Variants in KIAA1549L observed in about 807,000 individuals in gnomAD.
KIAA1549L encodes UPF0606 protein KIAA1549L.
KIAA1549L carries 88 observed loss-of-function variants against 160.7 expected under a neutral mutation model. That is an observed-to-expected ratio of 0.55 (90% CI 0.46 to 0.65). The LOEUF (loss-of-function observed/expected upper bound fraction) is 0.65, where lower values mean the gene tolerates loss of function less well. Ranked by LOEUF, KIAA1549L falls within the 30% of genes least tolerant of loss-of-function variation. The probability of loss-of-function intolerance (pLI) is 0.00; values close to 1 mark genes in which losing one functional copy is unlikely to be tolerated. For synonymous variants in KIAA1549L, 950 were observed against 976.7 expected (o/e 0.97, Z 0.51); for missense variants, 2,258 against 2,437.5 (o/e 0.93, Z 1.55).
chr11:33,437,292 G>A (rs553426403), intron 1 of KIAA1549L, among the ~76,000 whole-genome samples: 2 of 151,936 alleles, frequency 1.3e-5, no homozygotes, highest in Non-Finnish European at 2.9e-5. Flanking sequence ...GTTGTGAATG[G>A]AAAAAAGGGC....
intron 1 of KIAA1549L, among the ~76,000 whole-genome samples, chr11:33,492,773 C>T (rs1278279970): frequency 6.6e-6 from 1 of 152,182 alleles, no homozygotes; most frequent in African/African-American, 2.4e-5. Flanking sequence ...AGCTATCCCA[C>T]ACATTCTATT....
intron 1 of KIAA1549L, among the ~76,000 whole-genome samples, chr11:33,397,791 A>G (rs1264681074): frequency 6.6e-6 from 1 of 152,038 alleles, no homozygotes; most frequent in Admixed American, 6.5e-5. Flanking sequence ...TAAAAAATTT[A>G]TTACAAGGTA....
chr11:33,436,372 A>T (rs1350573483), intron 1 of KIAA1549L, among the ~76,000 whole-genome samples: 1 of 152,212 alleles, frequency 6.6e-6, no homozygotes, highest in Admixed American at 6.5e-5. Flanking sequence ...CCCAACTCTG[A>T]AGGCAAGAGA....
chr11:33,383,875 A>C (rs907984377), intron 1 of KIAA1549L, among the ~76,000 whole-genome samples: 3 of 152,220 alleles, frequency 2.0e-5, no homozygotes, highest in African/African-American at 7.2e-5. Flanking sequence ...TTTGTTTTCA[A>C]ATATCACCAA....
chr11:33,386,328 C>T (rs1298821625), intron 1 of KIAA1549L, among the ~76,000 whole-genome samples: 3 of 152,146 alleles, frequency 2.0e-5, no homozygotes, highest in Non-Finnish European at 4.4e-5. Flanking sequence ...TTCTCTTTGT[C>T]TATTGAGATG....
At chr11:33,655,981 A>G (rs779922072) in intron 17 of KIAA1549L, 31 bp from the exon 18 acceptor site, 50 of 1,518,912 alleles carry the variant, frequency 3.3e-5, no homozygotes, top group Non-Finnish European at 4.5e-5. Context: ...GGTGTTAACA[A>G]CTCTCCCTGT....
At chr11:33,442,137 A>T (rs1224020448) in intron 1 of KIAA1549L, among the ~76,000 whole-genome samples, 1 of 152,052 alleles carries the variant, frequency 6.6e-6, no homozygotes, top group Non-Finnish European at 1.5e-5. Flanking sequence ...CTTTCTACAT[A>T]TGGCTAGCCA....
intron 13 of KIAA1549L, among the ~76,000 whole-genome samples, chr11:33,604,067 A>G (rs1339948821): frequency 6.6e-6 from 1 of 152,192 alleles, no homozygotes; most frequent in Non-Finnish European, 1.5e-5. Flanking sequence ...AGAAGAGGGA[A>G]AGCTCAGAGG....
intron 1 of KIAA1549L, among the ~76,000 whole-genome samples, chr11:33,519,110 G>A (rs989521761): frequency 1.3e-5 from 2 of 152,178 alleles, no homozygotes; most frequent in African/African-American, 2.4e-5. Flanking sequence ...TTGAACATGA[G>A]AACTGTCTAA....
intron 1 of KIAA1549L, among the ~76,000 whole-genome samples, chr11:33,526,585 A>G (rs1262149891): frequency 6.6e-6 from 1 of 152,216 alleles, no homozygotes; most frequent in Admixed American, 6.5e-5. Context: ...CAATCACTGC[A>G]GTCTGTCTCT....
intron 16 of KIAA1549L, among the ~76,000 whole-genome samples, chr11:33,636,582 C>T (rs758173193): frequency 1.3e-5 from 2 of 152,108 alleles, no homozygotes; most frequent in Non-Finnish European, 2.9e-5. Flanking sequence ...CCACCAGCCT[C>T]GACCTCCCAA....
chr11:33,631,930 CAG>C (rs1851301406), intron 16 of KIAA1549L, among the ~76,000 whole-genome samples: 2 of 152,130 alleles, frequency 1.3e-5, no homozygotes, highest in African/African-American at 4.8e-5. Context: ...GTGTGTCAAA[CAG>C]AAGAGGTGAC....
At chr11:33,599,772 T>G (rs1850306186) in intron 13 of KIAA1549L, among the ~76,000 whole-genome samples, 2 of 152,194 alleles carry the variant, frequency 1.3e-5, no homozygotes. Flanking sequence ...GCTGGTTTAC[T>G]GGGGCCAGAA....
At chr11:33,627,810 T>C (rs978661276) in intron 16 of KIAA1549L, among the ~76,000 whole-genome samples, 1 of 151,922 alleles carries the variant, frequency 6.6e-6, no homozygotes, top group Non-Finnish European at 1.5e-5. Flanking sequence ...ATTTTAGTTA[T>C]GTCTTGCCTT....
At chr11:33,432,642 AAG>A (rs1851273741) in intron 1 of KIAA1549L, among the ~76,000 whole-genome samples, 1 of 152,212 alleles carries the variant, frequency 6.6e-6, no homozygotes, top group South Asian at 2.1e-4. Context: ...TCTAAGCAAA[AAG>A]AACAAAGCTG....
At chr11:33,442,713 C>T (rs141634060) in intron 1 of KIAA1549L, among the ~76,000 whole-genome samples, 2 of 152,298 alleles carry the variant, frequency 1.3e-5, no homozygotes, top group East Asian at 3.9e-4. Context: ...TGCCTTAATA[C>T]TTAAAAATTG....
rs781352102 is a variant in KIAA1549L, at chr11:33,545,287, C to A, written c.3294C>A (p.Val1098=). 2 of 1,613,960 alleles carry A rather than the reference C, an allele frequency of 1.2e-6. No homozygotes were observed. Among genetic ancestry groups the A allele is most frequent in the Non-Finnish European group, 1.7e-6 (2 of 1,179,882 alleles). Residue 1098 remains valine (V), a synonymous_variant, in exon 3 of 21, where the codon GTC becomes GTA. Transcript: ENST00000658780. ...TGCGAGCAGAAAACACAGATGCTGTCCTTCCTGCTGCATCGGCTGCAGTGG... is the reference window on the plus strand; with the variant it reads ...TGCGAGCAGAAAACACAGATGCTGTACTTCCTGCTGCATCGGCTGCAGTGG... ...PPLRAENTDA[V]LPAASAAVVT...
intron 1 of KIAA1549L, among the ~76,000 whole-genome samples, chr11:33,512,798 G>A (rs1342614643): frequency 6.6e-6 from 1 of 152,168 alleles, no homozygotes; most frequent in Non-Finnish European, 1.5e-5. Context: ...GAACAAGGTA[G>A]TTCCTAGGCG....
At chr11:33,629,972 A>G (rs1026451789) in intron 16 of KIAA1549L, among the ~76,000 whole-genome samples, 2 of 151,190 alleles carry the variant, frequency 1.3e-5, no homozygotes, top group Admixed American at 1.3e-4. Flanking sequence ...TTTGGTGTGG[A>G]TGTCCTTTCT....
Sources: gnomAD v4.1 joint callset for allele counts (sites outside exome capture counted in the v4.1 genomes callset) on GRCh38, gnomAD v4.1.1 for gene constraint, MANE v1.5 for transcripts, NCBI Gene and HGNC (gene_info 2026-07-23, HGNC 2026-07-21) for gene names.